STARD13: variants seen among roughly 807,000 people sequenced by gnomAD.
The protein encoded by STARD13 is stAR-related lipid transfer protein 13.
A neutral mutation model predicts 106.4 loss-of-function variants in STARD13; 62 were observed. The observed-to-expected ratio is 0.58, with a 90% CI of 0.48 to 0.72. STARD13 has a LOEUF of 0.72. Ranked by LOEUF, STARD13 falls within the 30% of genes least tolerant of loss-of-function variation. STARD13 has a pLI of 0.00. For synonymous variants in STARD13, 565 were observed against 553.0 expected, an observed-to-expected ratio of 1.02 and a Z score of -0.31; for missense variants, 1,387 against 1,424.0, an observed-to-expected ratio of 0.97 and a Z score of 0.42.
chr13:33,104,582 A>C lies in STARD13; in HGVS notation c.*1011T>G, dbSNP rs1232068258. ...TGGTGTCTGGAGTTGAATTCAGTGC[A>C]ATAAGAAAACACCAATTAACTGTGA... On this transcript the variant is annotated 3_prime_UTR_variant, in exon 14 of 14. Coordinates refer to ENST00000336934, the MANE Select transcript of STARD13 (RefSeq NM_178006.4). The C allele has an allele frequency of 6.5e-6, 1 of 152,676 alleles. No homozygotes were observed. The highest frequency in any genetic ancestry group is 1.5e-5 in the Non-Finnish European group (1 of 68,034). The allele number at this position is 152,676 out of a possible 1,614,324, so 9.5% of individuals were successfully genotyped here.
chr13:33,113,988 G>T (rs1258754176), intron 8 of STARD13, among the ~76,000 whole-genome samples: 1 of 152,158 alleles, frequency 6.6e-6, no homozygotes, highest in Non-Finnish European at 1.5e-5. Flanking sequence ...CCACACGAGG[G>T]TGTCTGAATT....
the STARD13 span, among the ~76,000 whole-genome samples, chr13:33,634,083 G>A: frequency 3.9e-5 from 6 of 152,238 alleles, no homozygotes; most frequent in South Asian, 2.1e-4. Flanking sequence ...AAGAATTTTT[G>A]TTAAAAGATG....
At chr13:33,178,180 T>G (rs1024565836) in intron 1 of STARD13, among the ~76,000 whole-genome samples, 2 of 152,220 alleles carry the variant, frequency 1.3e-5, no homozygotes, top group Non-Finnish European at 2.9e-5. Context: ...TACATAATCT[T>G]TAAATAAAAT....
chr13:33,315,598 A>C (rs1486227437), intron 1 of STARD13, among the ~76,000 whole-genome samples: 1 of 152,208 alleles, frequency 6.6e-6, no homozygotes, highest in Non-Finnish European at 1.5e-5. Flanking sequence ...CAATATTTAC[A>C]GACATCAGGT....
chr13:33,184,890 T>C (rs941984013), intron 1 of STARD13, among the ~76,000 whole-genome samples: 3 of 152,230 alleles, frequency 2.0e-5, no homozygotes, highest in African/African-American at 7.2e-5. Flanking sequence ...ATACTTCCAA[T>C]GGATTTATTT....
intron 7 of STARD13, 139 bp from the exon 8 acceptor site, chr13:33,118,402 G>T: frequency 1.4e-6 from 1 of 696,242 alleles, no homozygotes; most frequent in Non-Finnish European, 2.6e-6. Context: ...GCTACTTTAG[G>T]CAGTACCCGA....
intron 1 of STARD13, among the ~76,000 whole-genome samples, chr13:33,193,930 A>G (rs937262679): frequency 3.3e-5 from 5 of 152,214 alleles, no homozygotes; most frequent in Admixed American, 3.3e-4. Flanking sequence ...CTGATAACTA[A>G]GTGTAATAGG....
At chr13:33,413,112 G>C in the STARD13 span, among the ~76,000 whole-genome samples, 21 of 152,078 alleles carry the variant, frequency 1.4e-4, no homozygotes, top group African/African-American at 4.8e-4. Context: ...ATAGCGGATA[G>C]GTAACGGTAA....
intron 1 of STARD13, among the ~76,000 whole-genome samples, chr13:33,202,891 C>G (rs147542307): frequency 3.3e-5 from 5 of 151,956 alleles, no homozygotes; most frequent in African/African-American, 1.2e-4. Flanking sequence ...TCTGGGGGCT[C>G]CAAAGAAACC....
At chr13:33,301,568 CTTTT>C (rs11393186) in intron 1 of STARD13, among the ~76,000 whole-genome samples, 2 of 72,066 alleles carry the variant, frequency 2.8e-5, no homozygotes, top group South Asian at 4.4e-4. Context: ...CTTTTTTTTT[CTTTT>C]TTTTTTTTTT....
chr13:33,391,266 C>T, the STARD13 span, among the ~76,000 whole-genome samples: 1,082 of 152,228 alleles, frequency 7.1e-3, 16 homozygotes, highest in African/African-American at 0.024. Flanking sequence ...ATCAGCAAGA[C>T]GAAACCCTTC....
chr13:33,149,100 G>T lies in STARD13; in HGVS notation c.324-6727C>A, dbSNP rs1880926076. 2.0e-5 allele frequency among the ~76,000 whole-genome samples: 3 copies of T among 152,144 alleles called. No individual in the cohort carries two copies. The South Asian group carries it at 6.2e-4, about 32-fold the overall frequency. Reference sequence around the variant, plus strand: ...GAACACAGAGGATTTTTAGGGCAATGCAGCTACTCTCTATGATACTATAAT... The same window carrying T: ...GAACACAGAGGATTTTTAGGGCAATTCAGCTACTCTCTATGATACTATAAT... On this transcript the variant is annotated intron_variant, in intron 3 of 13. Coordinates refer to ENST00000336934, the MANE Select transcript of STARD13 (RefSeq NM_178006.4).
chr13:33,637,157 G>A, the STARD13 span, among the ~76,000 whole-genome samples: 136 of 152,214 alleles, frequency 8.9e-4, no homozygotes, highest in African/African-American at 3.2e-3. Context: ...TGGAAAGAGG[G>A]GTCACTGAGA....
chr13:33,202,557 G>A (rs1771469671), intron 1 of STARD13, among the ~76,000 whole-genome samples: 2 of 152,226 alleles, frequency 1.3e-5, no homozygotes, highest in Admixed American at 1.3e-4. Flanking sequence ...GCCTAGGGAG[G>A]AAGGAAGATG....
At chr13:33,378,532 T>C in the STARD13 span, among the ~76,000 whole-genome samples, 1 of 152,182 alleles carries the variant, frequency 6.6e-6, no homozygotes, top group African/African-American at 2.4e-5. Context: ...GGCTCACGCC[T>C]GTAATCCCAG....
chr13:33,664,855 T>C, the STARD13 span, among the ~76,000 whole-genome samples: 1 of 152,216 alleles, frequency 6.6e-6, no homozygotes, highest in Non-Finnish European at 1.5e-5. Flanking sequence ...CTCGATCCCC[T>C]GACCTCATGA....
At chr13:33,105,808 A>G in intron 13 of STARD13, 98 bp from the exon 14 acceptor site, 1 of 975,348 alleles carries the variant, frequency 1.0e-6, no homozygotes, top group East Asian at 2.4e-5. Context: ...CCCGATGACC[A>G]GTGAACCTGC....
the STARD13 span, among the ~76,000 whole-genome samples, chr13:33,582,015 T>C: frequency 6.6e-6 from 1 of 152,046 alleles, no homozygotes; most frequent in African/African-American, 2.4e-5. Flanking sequence ...GATCAGGAGA[T>C]TGGGACCATC....
the STARD13 span, among the ~76,000 whole-genome samples, chr13:33,465,201 C>A: frequency 2.6e-4 from 16 of 60,678 alleles, no homozygotes; most frequent in African/African-American, 8.2e-4. Context: ...TGGTCTTCTT[C>A]TTTTTTTTTT....
Sources: allele counts gnomAD v4.1 joint callset (sites outside exome capture counted in the v4.1 genomes callset), GRCh38; gene constraint gnomAD v4.1.1; transcripts MANE v1.5; gene names NCBI Gene and HGNC (gene_info 2026-07-23, HGNC 2026-07-21).